The following TCEA2 variants were observed in gnomAD, a reference collection of about 807,000 sequenced individuals.
The protein encoded by TCEA2 is transcription elongation factor A protein 2.
TCEA2 carries 21 observed loss-of-function variants against 40.8 expected under a neutral mutation model. That is an observed-to-expected ratio of 0.51 (90% CI 0.36 to 0.74). TCEA2 has a LOEUF of 0.74. TCEA2 is among the 30% of genes least tolerant of loss of function. TCEA2 has a pLI of 0.00. For missense variants in TCEA2, 326 were observed against 426.5 expected (o/e 0.76, Z 2.08); for synonymous variants, 165 against 162.7 (o/e 1.01, Z -0.11).
In TCEA2 at chr20:64,070,605, G is replaced by C. The variant is rs776381249; in HGVS notation, c.789G>C (p.Lys263Asn). Residue 263 changes from lysine (K) to asparagine (N), a missense_variant, in exon 8 of 10, where the codon AAG (lysine) becomes AAC (asparagine). Physicochemically the swap from Lys to Asn is moderately conservative, Grantham distance 94. Coordinates refer to ENST00000343484, the MANE Select transcript of TCEA2 (RefSeq NM_003195.6). ...AGACAGACCTGTTCACCTGCGGCAA[G>C]TGCAGGAAAAAGAACTGCACCTACA... ...GTQTDLFTCGKCRKKNCTYTQ... is the reference protein window; with the variant it reads ...GTQTDLFTCGNCRKKNCTYTQ... 6.2e-7 allele frequency: 1 copy of C among 1,610,672 alleles called. No homozygotes were observed. The highest frequency in any genetic ancestry group is 1.7e-5 in the Admixed American group (1 of 59,350).
rs947311774 is a variant in TCEA2, at chr20:64,069,411, C to A, written c.380C>A (p.Thr127Lys). ...GCACCGTCGACTCCGAGGATCACCA[C>A]ATTTCCTCCGGTGCCTGTCACCTGT... is the stretch of plus-strand genomic sequence containing the variant. ...PRAPSTPRIT[T>K]FPPVPVTCDA... The change falls in exon 5 of 10, where the codon ACA becomes AAA. Residue 127 changes from threonine to lysine, a missense_variant. Transcript: ENST00000343484. The A allele has an allele frequency of 3.1e-6, 5 of 1,612,456 alleles. No homozygotes were observed. Among genetic ancestry groups the A allele is most frequent in the Non-Finnish European group, 4.2e-6 (5 of 1,179,552 alleles).
rs987694400 is a variant in TCEA2 at position 64,070,176 on chromosome 20, C to T, written c.518-84C>T. The T allele has an allele frequency of 1.8e-5, 29 of 1,573,114 alleles. No homozygotes were observed. In the Admixed American group the frequency reaches 4.8e-4, roughly 26 times the overall value. The stretch of plus-strand genomic sequence containing the variant: ...GGCTGGGCAGAACCTTTCCAGCCCC[C>T]ACCCCAACATGGCCCCCAGCGGGGC... On this transcript the variant is annotated intron_variant, in intron 6 of 9. Coordinates refer to ENST00000343484, the MANE Select transcript of TCEA2 (RefSeq NM_003195.6).
Position 64,070,330 on chromosome 20 carries a change from G to A in TCEA2, c.588G>A (p.Leu196=). The A allele has an allele frequency of 6.2e-7, 1 of 1,614,238 alleles. No individual in the cohort carries two copies. The highest frequency in any genetic ancestry group is 8.5e-7 in the Non-Finnish European group (1 of 1,180,032). ...GTGTACGGAGTCGTATCTCCAACCT[G>A]AAGGATGCCAAGAACCCTGACCTGC... ...KNRVRSRISN[L]KDAKNPDLRR... is the part of the protein sequence containing the mutation. The change falls in exon 7 of 10, where the codon CTG becomes CTA. Residue 196 remains leucine (L), a synonymous_variant. Transcript: ENST00000343484.
upstream of TCEA2, chr20:64,062,905 G>A (rs1444803697): frequency 6.4e-6 from 1 of 156,010 alleles, no homozygotes; most frequent in African/African-American, 2.4e-5. Context: ...AGCAGGAGGA[G>A]AGAAGGGAGC....
At position 64,069,767 on chromosome 20, in the gene TCEA2, G is replaced by C. The variant is rs1307212563; in HGVS notation, c.463G>C (p.Asp155His). ...MLTAALQTDH[D>H]HVAIGADCER... is the part of the protein sequence containing the mutation. Reference sequence around the variant, plus strand: ...CTAGTCAGGGCTCCCTCTTGCAGATGACCACGTGGCCATCGGTGCGGACTG... The same window carrying C: ...CTAGTCAGGGCTCCCTCTTGCAGATCACCACGTGGCCATCGGTGCGGACTG... The change falls in exon 6 of 10, where the codon GAC (aspartate) becomes CAC (histidine). Residue 155 changes from aspartate to histidine, a missense_variant and splice_region_variant. Coordinates refer to ENST00000343484, the MANE Select transcript of TCEA2 (RefSeq NM_003195.6). 1 of 1,610,984 alleles carries C rather than the reference G, an allele frequency of 6.2e-7. No individual in the cohort carries two copies. The highest frequency in any genetic ancestry group is 8.5e-7 in the Non-Finnish European group (1 of 1,177,546).
chr20:64,071,843 C>T (rs765765395), intron 8 of TCEA2, 27 bp from the exon 9 acceptor site: 2 of 1,612,632 alleles, frequency 1.2e-6, no homozygotes, highest in East Asian at 2.2e-5. Flanking sequence ...TGGAGGTGAC[C>T]CTGGGTTCAC....
intron 6 of TCEA2, 153 bp from the exon 7 acceptor site, chr20:64,070,106 CT>C: frequency 8.3e-7 from 1 of 1,203,356 alleles, no homozygotes; most frequent in Non-Finnish European, 1.2e-6. Flanking sequence ...CCCTGCAGCC[CT>C]TCACCTCTCC....
In TCEA2 at chr20:64,070,274, G is replaced by A. The variant is rs6010714; in HGVS notation, c.532G>A (p.Val178Ile). ...AACACTTGCACGCATCTTCCGGGAC[G>A]TTGGAAACACAGACATGAAGTATAA... is the stretch of plus-strand genomic sequence containing the variant. ...AQIEECIFRD[V>I]GNTDMKYKNR... Residue 178 changes from valine (V) to isoleucine (I), a missense_variant, in exon 7 of 10, where the codon GTT becomes ATT. Val to Ile is a conservative substitution (Grantham distance 29, BLOSUM62 3). Coordinates refer to ENST00000343484, the MANE Select transcript of TCEA2 (RefSeq NM_003195.6). 16,581 of 1,614,182 alleles carry A rather than the reference G, an allele frequency of 0.01. 116 individuals carry two copies. Among genetic ancestry groups the A allele is most frequent in the Middle Eastern group, 0.032 (191 of 6,062 alleles).
At position 64,070,573 on chromosome 20, in the gene TCEA2, G is replaced by A. The variant is rs1025514223; in HGVS notation, c.757G>A (p.Gly253Ser). Residue 253 changes from glycine (G) to serine (S), a missense_variant, in exon 8 of 10, where the codon GGC (glycine) becomes AGC (serine). Transcript: ENST00000343484. The stretch of plus-strand genomic sequence containing the variant: ...AGAGCACCAGATGGCCCGCACTGGC[G>A]GCACGCAGACAGACCTGTTCACCTG... ...IREHQMARTG[G>S]TQTDLFTCGK... 37 of 1,613,562 alleles carry A rather than the reference G, an allele frequency of 2.3e-5. No homozygotes were observed. Among genetic ancestry groups the A allele is most frequent in the Non-Finnish European group, 3.1e-5 (36 of 1,179,930 alleles).
intron 4 of TCEA2, among the ~76,000 whole-genome samples, chr20:64,068,926 C>T (rs955217341): frequency 1.3e-5 from 2 of 152,260 alleles, no homozygotes; most frequent in African/African-American, 4.8e-5. Context: ...CTTGTCTCCC[C>T]CCAGACAGCT....
In TCEA2 at chr20:64,070,323, C is replaced by T; in HGVS notation, c.581C>T (p.Ser194Phe). 1 of 1,614,224 alleles carries T rather than the reference C, an allele frequency of 6.2e-7. No homozygotes were observed. The highest frequency in any genetic ancestry group is 8.5e-7 in the Non-Finnish European group (1 of 1,180,040). The change falls in exon 7 of 10, where the codon TCC becomes TTC. Residue 194 changes from serine (S) to phenylalanine (F), a missense_variant. Physicochemically the swap from Ser to Phe is radical, Grantham distance 155. Coordinates refer to ENST00000343484, the MANE Select transcript of TCEA2 (RefSeq NM_003195.6). ...KYKNRVRSRI[S>F]NLKDAKNPDL... ...AAGAACCGTGTACGGAGTCGTATCT[C>T]CAACCTGAAGGATGCCAAGAACCCT...
intron 1 of TCEA2, among the ~76,000 whole-genome samples, chr20:64,065,188 C>T (rs1205585027): frequency 6.6e-6 from 1 of 152,138 alleles, no homozygotes; most frequent in Non-Finnish European, 1.5e-5. Flanking sequence ...TAAGCAGGTG[C>T]AGGGCTTTCA....
At position 64,070,634 on chromosome 20, in the gene TCEA2, A is replaced by C; in HGVS notation, c.818A>C (p.Gln273Pro). Reference protein sequence around the residue: ...KCRKKNCTYTQVQTRSSDEPM... With the variant: ...KCRKKNCTYTPVQTRSSDEPM... ...AGGAAAAAGAACTGCACCTACACAC[A>C]GGTGAGCGGCCGCTGGGCACCCTCC... Residue 273 changes from glutamine to proline, a missense_variant and splice_region_variant, in exon 8 of 10, where the codon CAG becomes CCG. Transcript: ENST00000343484. 6.4e-7 allele frequency: 1 copy of C among 1,572,992 alleles called. No individual in the cohort carries two copies. The highest frequency in any genetic ancestry group is 2.4e-5 in the East Asian group (1 of 42,492).
intron 1 of TCEA2, chr20:64,063,686 C>G (rs1179282516): frequency 2.3e-6 from 1 of 441,598 alleles, no homozygotes; most frequent in African/African-American, 2.1e-5. Context: ...GGCTCCGCAC[C>G]CTTCCCTGTC....
chr20:64,071,782 C>A, intron 8 of TCEA2, 88 bp from the exon 9 acceptor site: 2 of 1,492,048 alleles, frequency 1.3e-6, no homozygotes, highest in East Asian at 2.3e-5. Context: ...AGCTCAGTGG[C>A]TGCGAGGCCC....
chr20:64,066,638 C>G, intron 2 of TCEA2, 100 bp downstream of exon 2: 1 of 1,389,930 alleles, frequency 7.2e-7, no homozygotes, highest in Non-Finnish European at 1.0e-6. Context: ...CCCTCCCCAC[C>G]AGGCCTTAGT....
chr20:64,066,948 C>T lies in TCEA2; in HGVS notation c.169C>T (p.Arg57Trp), dbSNP rs568253300. The change falls in exon 3 of 10, where the codon CGG becomes TGG. Residue 57 changes from arginine to tryptophan, a missense_variant. By Grantham distance (101) the Arg-to-Trp change is moderately radical. Transcript: ENST00000343484. ...AGTCGGGATGTCTGTCAACGCCCTT[C>T]GGAAGCAGAGCTCGGATGAGGAGGT... ...TRVGMSVNAL[R>W]KQSSDEEVIA... is the part of the protein sequence containing the mutation. 6.2e-6 allele frequency: 10 copies of T among 1,614,046 alleles called. No individual in the cohort carries two copies. In the East Asian group the frequency reaches 6.7e-5, roughly 11 times the overall value.
intron 3 of TCEA2, 139 bp from the exon 4 acceptor site, chr20:64,067,908 T>C (rs1227962202): frequency 6.4e-6 from 4 of 628,400 alleles, no homozygotes; most frequent in African/African-American, 3.8e-5. Flanking sequence ...CTGGCTCCCC[T>C]GGCTGGGTGA....
At position 64,063,359 on chromosome 20, in the gene TCEA2, A is replaced by G. The variant is rs1490320572; in HGVS notation, c.47A>G (p.Asp16Gly). ...EEIARIARRL[D>G]KMVTKKSAEG... ...ATTGCGCGGATCGCCCGGAGGCTGG[A>G]CAAGATGGTGACCAAGAAGAGCGCG... is the stretch of plus-strand genomic sequence containing the variant. The change falls in exon 1 of 10, where the codon GAC becomes GGC. Residue 16 changes from aspartate to glycine, a missense_variant. Coordinates refer to ENST00000343484, the MANE Select transcript of TCEA2 (RefSeq NM_003195.6). The G allele has an allele frequency of 1.3e-6, 2 of 1,549,448 alleles. No homozygotes were observed. Among genetic ancestry groups the G allele is most frequent in the Admixed American group, 2.0e-5 (1 of 51,022 alleles).
Sources: allele counts gnomAD v4.1 joint callset (sites outside exome capture counted in the v4.1 genomes callset), GRCh38; gene constraint gnomAD v4.1.1; transcripts MANE v1.5; gene names NCBI Gene and HGNC (gene_info 2026-07-23, HGNC 2026-07-21).